Variants in ERICH2 observed in about 807,000 individuals in gnomAD.
The protein encoded by ERICH2 is glutamate-rich protein 2.
Under a neutral mutation model 17.4 loss-of-function variants are expected in ERICH2, and 17 were observed. The ratio of observed to expected loss-of-function variants is 0.98; its 90% CI spans 0.67 to 1.47. The LOEUF is 1.47. ERICH2 is among the 40% of genes most tolerant of loss of function. The pLI, the probability that ERICH2 is intolerant of heterozygous loss-of-function variation, is 0.00. For synonymous variants in ERICH2, 51 were observed against 61.1 expected, an observed-to-expected ratio of 0.83 and a Z score of 0.77; for missense variants, 186 against 183.2, an observed-to-expected ratio of 1.01 and a Z score of -0.09.
At chr2:170,773,180 C>T in the ERICH2 span, among the ~76,000 whole-genome samples, 18 of 152,290 alleles carry the variant, frequency 1.2e-4, no homozygotes, top group African/African-American at 3.9e-4. Context: ...GTCTGGTCCC[C>T]AGGCAAGAAG....
At chr2:170,777,082 T>A in the ERICH2 span, 1 of 154,316 alleles carries the variant, frequency 6.5e-6, no homozygotes, top group African/African-American at 2.4e-5. Context: ...TTCTGTGTTC[T>A]ATTTGTATTT....
rs1056915053 is a variant in ERICH2, at chr2:170,794,061, T to C, written c.274+1141T>C. Reference sequence around the variant, plus strand: ...CTAGTGTGTTTTGTTTTCCTTCCTTTCTTTCTTTCTTTCCTTCCTTCCTTC... The same window carrying C: ...CTAGTGTGTTTTGTTTTCCTTCCTTCCTTTCTTTCTTTCCTTCCTTCCTTC... On this transcript the variant is annotated intron_variant, in intron 3 of 4. Transcript: ENST00000409885. 4.7e-5 allele frequency among the ~76,000 whole-genome samples: 7 copies of C among 149,128 alleles called. No individual in the cohort carries two copies. In the South Asian group the frequency reaches 8.4e-4, roughly 18 times the overall value.
chr2:170,783,701 T>C (rs981470561), upstream of ERICH2: 1 of 1,281,588 alleles, frequency 7.8e-7, no homozygotes, highest in African/African-American at 1.5e-5. Context: ...GCTAACTGTT[T>C]GTGAAGTAAA....
At chr2:170,791,526 C>T (rs1409585211) in intron 2 of ERICH2, among the ~76,000 whole-genome samples, 1 of 7,694 alleles carries the variant, frequency 1.3e-4, no homozygotes, top group Non-Finnish European at 8.2e-4. Flanking sequence ...CCCGTCTCTA[C>T]TAAAAAAAAA....
At chr2:170,793,867 G>A (rs1701347608) in intron 3 of ERICH2, among the ~76,000 whole-genome samples, 1 of 152,164 alleles carries the variant, frequency 6.6e-6, no homozygotes, top group African/African-American at 2.4e-5. Context: ...CATTTGCTGA[G>A]TTTCTTAACT....
chr2:170,788,420 G>C (rs1255822709), intron 2 of ERICH2, among the ~76,000 whole-genome samples: 4 of 152,032 alleles, frequency 2.6e-5, no homozygotes, highest in African/African-American at 9.7e-5. Flanking sequence ...TTTGTACTGT[G>C]CATAAGATTT....
upstream of ERICH2, among the ~76,000 whole-genome samples, chr2:170,781,621 A>C (rs889783112): frequency 3.4e-5 from 5 of 147,556 alleles, no homozygotes; most frequent in Non-Finnish European, 7.5e-5. Context: ...TGATAGAGCG[A>C]GACTTGGTCT....
In ERICH2 at chr2:170,789,178, T is replaced by G. The variant is rs1701225698; in HGVS notation, c.217-3685T>G. 2.0e-5 allele frequency among the ~76,000 whole-genome samples: 3 copies of G among 151,674 alleles called. No individual in the cohort carries two copies. In the South Asian group the frequency reaches 6.3e-4, roughly 32 times the overall value. ...TCGGGTTTCACCATGTTGGCCAGGC[T>G]GGTCTCGAACTCCTGGCCTCAGGTG... On this transcript the variant is annotated intron_variant, in intron 2 of 4. Transcript: ENST00000409885.
At chr2:170,794,101 C>CT (rs1317801806) in intron 3 of ERICH2, among the ~76,000 whole-genome samples, 1 of 79,748 alleles carries the variant, frequency 1.3e-5, no homozygotes, top group African/African-American at 4.7e-5. Flanking sequence ...TCTTTCCTTT[C>CT]TTTCTTTTTT....
intron 2 of ERICH2, among the ~76,000 whole-genome samples, chr2:170,787,857 C>G (rs1260777030): frequency 1.3e-5 from 2 of 152,166 alleles, no homozygotes. Context: ...TTTCCCTACT[C>G]TAAGAAATAT....
chr2:170,798,708 A>C, intron 4 of ERICH2, 62 bp from the exon 10 acceptor site: 1 of 1,539,090 alleles, frequency 6.5e-7, no homozygotes, highest in South Asian at 1.2e-5. Context: ...GGCAAGGAGA[A>C]TTATTTTTCA....
the ERICH2 span, among the ~76,000 whole-genome samples, chr2:170,776,197 T>C: frequency 3.3e-5 from 5 of 152,200 alleles, no homozygotes; most frequent in African/African-American, 7.2e-5. Flanking sequence ...AGAGAAAACA[T>C]TGTACCTTTA....
chr2:170,774,015 C>G, the ERICH2 span, among the ~76,000 whole-genome samples: 13 of 152,194 alleles, frequency 8.5e-5, no homozygotes, highest in Non-Finnish European at 1.5e-5. Flanking sequence ...AGCCACGACA[C>G]CTGACCCAAA....
At chr2:170,782,442 T>C (rs1701050571), upstream of ERICH2, 1 of 892,314 alleles carries the variant, frequency 1.1e-6, no homozygotes. Context: ...AATTGAACCC[T>C]CCTTTTCTGC....
At chr2:170,770,935 G>A in the ERICH2 span, among the ~76,000 whole-genome samples, 2 of 142,832 alleles carry the variant, frequency 1.4e-5, no homozygotes, top group African/African-American at 5.2e-5. Flanking sequence ...GCCTGGGCCC[G>A]CCTCCACCCT....
At position 170,791,527 on chromosome 2, in the gene ERICH2, T is replaced by TAAAAAAA. The variant is rs10658304; in HGVS notation, c.217-1329_217-1323dup. 8.3e-3 allele frequency among the ~76,000 whole-genome samples: 1,007 copies of TAAAAAAA among 121,560 alleles called. 19 individuals are homozygous for TAAAAAAA. The highest frequency in any genetic ancestry group is 0.015 in the African/African-American group (494 of 34,044). The allele number at this position is 121,560 out of a possible 152,430, so 79.7% of individuals were successfully genotyped here. ...TAACATGGTGAAACCCCGTCTCTAC[T>TAAAAAAA]AAAAAAAAAAAAATTAGCCGGGCGT... On this transcript the variant is annotated intron_variant, in intron 2 of 4. Coordinates refer to ENST00000409885, the Ensembl canonical transcript of ERICH2.
chr2:170,776,055 G>A, the ERICH2 span, among the ~76,000 whole-genome samples: 35 of 151,440 alleles, frequency 2.3e-4, no homozygotes, highest in African/African-American at 6.5e-4. Flanking sequence ...AAGTGTGGCC[G>A]CTCCCATACT....
At chr2:170,770,494 A>ACTC in the ERICH2 span, among the ~76,000 whole-genome samples, 1 of 151,004 alleles carries the variant, frequency 6.6e-6, no homozygotes, top group African/African-American at 2.4e-5. Context: ...GCGTCCAGGG[A>ACTC]CTCCCCCCGG....
chr2:170,794,105 CTTTTTTT>C (rs59152667), intron 3 of ERICH2, among the ~76,000 whole-genome samples: 20 of 88,174 alleles, frequency 2.3e-4, no homozygotes, highest in Admixed American at 2.2e-3. Flanking sequence ...TCCTTTCTTT[CTTTTTTT>C]TTTTTTTTTT....
Sources: allele counts gnomAD v4.1 joint callset (sites outside exome capture counted in the v4.1 genomes callset), GRCh38; gene constraint gnomAD v4.1.1; transcripts MANE v1.5; gene names NCBI Gene and HGNC (gene_info 2026-07-23, HGNC 2026-07-21).